The following GULP1 variants were observed in gnomAD, a reference collection of about 807,000 sequenced individuals.
GULP1 encodes the protein GULP PTB domain containing engulfment adaptor 1, also known as PTB domain-containing engulfment adapter protein 1.
A neutral mutation model predicts 40.9 loss-of-function variants in GULP1; 19 were observed. That is an observed-to-expected ratio of 0.46 (90% CI 0.32 to 0.68). GULP1 has a LOEUF of 0.68. Among genes scored for constraint, GULP1 ranks in the 30% least tolerant of loss-of-function variants. GULP1 has a pLI of 0.03. For missense variants in GULP1, 312 were observed against 362.2 expected (o/e 0.86, Z 1.12); for synonymous variants, 119 against 117.6 (o/e 1.01, Z -0.08).
intron 11 of GULP1, chr2:188,592,688 G>A (rs2153478020): frequency 6.6e-6 from 1 of 152,106 alleles, no homozygotes; most frequent in Admixed American, 6.6e-5. Context: ...ATGGCTTACA[G>A]CTTTGTAACT....
intron 9 of GULP1, among the ~76,000 whole-genome samples, chr2:188,583,128 G>A (rs1701655146): frequency 6.6e-6 from 1 of 152,016 alleles, no homozygotes; most frequent in South Asian, 2.1e-4. Context: ...ATAATTAGGG[G>A]AATGGTATTG....
chr2:188,526,884 T>C (rs1686295832), intron 5 of GULP1, among the ~76,000 whole-genome samples: 1 of 152,198 alleles, frequency 6.6e-6, no homozygotes, highest in African/African-American at 2.4e-5. Context: ...ATCTGGGACT[T>C]ACTGTTCTTA....
At chr2:188,384,776 A>G (rs1359096188) in intron 2 of GULP1, among the ~76,000 whole-genome samples, 2 of 152,330 alleles carry the variant, frequency 1.3e-5, no homozygotes, top group Non-Finnish European at 2.9e-5. Flanking sequence ...CAAAGGGGCT[A>G]CAGGCCCCAC....
At chr2:188,457,786 C>T (rs1033798470) in intron 2 of GULP1, among the ~76,000 whole-genome samples, 3 of 152,112 alleles carry the variant, frequency 2.0e-5, no homozygotes, top group Admixed American at 6.6e-5. Context: ...ACTATGCATT[C>T]TTCTACTTAA....
At chr2:188,518,413 C>G (rs1238085536) in intron 4 of GULP1, among the ~76,000 whole-genome samples, 2 of 152,072 alleles carry the variant, frequency 1.3e-5, no homozygotes, top group Non-Finnish European at 2.9e-5. Context: ...GCTTTTGTAC[C>G]TCCACAAAAC....
intron 1 of GULP1, among the ~76,000 whole-genome samples, chr2:188,338,821 A>G (rs562038667): frequency 1.3e-5 from 2 of 152,290 alleles, no homozygotes; most frequent in Non-Finnish European, 2.9e-5. Context: ...AGAATTGTTA[A>G]AAAGGTAGCT....
At chr2:188,313,030 G>C (rs2038447505) in intron 1 of GULP1, among the ~76,000 whole-genome samples, 1 of 152,086 alleles carries the variant, frequency 6.6e-6, no homozygotes, top group African/African-American at 2.4e-5. Context: ...ACCTTTGTCA[G>C]ATAGGTGGAT....
intron 1 of GULP1, among the ~76,000 whole-genome samples, chr2:188,316,121 A>G (rs2039040509): frequency 6.6e-6 from 1 of 152,164 alleles, no homozygotes; most frequent in African/African-American, 2.4e-5. Context: ...ATTGCTCTGA[A>G]TAGAATGTAT....
intron 4 of GULP1, among the ~76,000 whole-genome samples, chr2:188,495,939 T>C (rs1431899489): frequency 1.3e-5 from 2 of 151,992 alleles, no homozygotes; most frequent in African/African-American, 4.8e-5. Context: ...CCTGATTCCT[T>C]GCATATTTTA....
In GULP1 at chr2:188,483,418, T is replaced by G. The variant is rs1025077490; in HGVS notation, c.29-13T>G. 2.8e-6 allele frequency: 4 copies of G among 1,445,748 alleles called. No individual in the cohort carries two copies. Among genetic ancestry groups the G allele is most frequent in the Non-Finnish European group, 2.9e-6 (3 of 1,039,074 alleles). 89.6% of individuals were successfully genotyped at this position (1,445,748 alleles called of 1,614,324 possible). ...GAAACCTAAAATTTAACTCTGTGTA[T>G]TTTTTATTGCAGACAAAACATGGAT... On this transcript the variant is annotated splice_polypyrimidine_tract_variant and intron_variant, in intron 3 of 11. Coordinates refer to ENST00000409830, the MANE Select transcript of GULP1 (RefSeq NM_016315.4).
In GULP1 at chr2:188,587,962, A is replaced by G. The variant is rs767688931; in HGVS notation, c.843+13A>G. ...AGATGAGATGCAGGTGACTATTTTG[A>G]TAGACTGGCCCATAAATGATTTATT... On this transcript the variant is annotated intron_variant, in intron 11 of 11. Coordinates refer to ENST00000409830, the MANE Select transcript of GULP1 (RefSeq NM_016315.4). The G allele has an allele frequency of 4.8e-6, 6 of 1,241,672 alleles. No homozygotes were observed. In the South Asian group the frequency reaches 6.0e-5, roughly 12 times the overall value. 76.9% of individuals were successfully genotyped at this position (1,241,672 alleles called of 1,614,324 possible).
At chr2:188,392,549 T>A (rs2050670822) in intron 2 of GULP1, among the ~76,000 whole-genome samples, 1 of 152,014 alleles carries the variant, frequency 6.6e-6, no homozygotes, top group Non-Finnish European at 1.5e-5. Context: ...AGAACCAGCT[T>A]TTTGTTTCAT....
intron 1 of GULP1, among the ~76,000 whole-genome samples, chr2:188,342,010 A>G (rs1291001888): frequency 6.6e-6 from 1 of 152,196 alleles, no homozygotes; most frequent in African/African-American, 2.4e-5. Context: ...ATATGAGCAG[A>G]TATATTTGAG....
At chr2:188,294,231 A>G (rs1034523935) in intron 1 of GULP1, 1 of 152,210 alleles carries the variant, frequency 6.6e-6, no homozygotes, top group Non-Finnish European at 1.5e-5. Flanking sequence ...GGGTTTGAGC[A>G]GATGGTTTTC....
intron 1 of GULP1, among the ~76,000 whole-genome samples, chr2:188,372,408 C>T (rs572502392): frequency 3.3e-5 from 5 of 151,892 alleles, no homozygotes; most frequent in African/African-American, 7.2e-5. Flanking sequence ...GAAATGTCTG[C>T]GAAAGTTTAC....
intron 2 of GULP1, among the ~76,000 whole-genome samples, chr2:188,422,081 CTT>C (rs1278413091): frequency 2.5e-4 from 34 of 136,342 alleles, no homozygotes; most frequent in African/African-American, 5.1e-4. Context: ...GCTGGACACA[CTT>C]TTTTTTTTTT....
intron 2 of GULP1, among the ~76,000 whole-genome samples, chr2:188,387,171 G>A (rs2049885723): frequency 6.6e-6 from 1 of 152,022 alleles, no homozygotes; most frequent in Middle Eastern, 3.2e-3. Context: ...AGGAAGCAGA[G>A]TTTGCAGTGA....
intron 2 of GULP1, among the ~76,000 whole-genome samples, chr2:188,464,663 C>A (rs2059971764): frequency 6.6e-6 from 1 of 152,148 alleles, no homozygotes; most frequent in African/African-American, 2.4e-5. Context: ...GAGTCAGAAA[C>A]CTTAGAAGTC....
chr2:188,321,554 T>G (rs1399240238), intron 1 of GULP1, among the ~76,000 whole-genome samples: 7 of 152,174 alleles, frequency 4.6e-5, no homozygotes, highest in South Asian at 4.1e-4. Context: ...TTTTCACATA[T>G]AAGATTTTAT....
Sources: allele counts gnomAD v4.1 joint callset (sites outside exome capture counted in the v4.1 genomes callset), GRCh38; gene constraint gnomAD v4.1.1; transcripts MANE v1.5; gene names NCBI Gene and HGNC (gene_info 2026-07-23, HGNC 2026-07-21).